The following CSMD2 variants were observed in gnomAD, a reference collection of about 807,000 sequenced individuals.
CSMD2 encodes CUB and sushi domain-containing protein 2.
Under a neutral mutation model 398.5 loss-of-function variants are expected in CSMD2, and 130 were observed. The observed-to-expected ratio is 0.33, with a 90% CI of 0.28 to 0.38. CSMD2 has a LOEUF of 0.38. Among genes scored for constraint, CSMD2 ranks in the 10% least tolerant of loss-of-function variants. The pLI, the probability that CSMD2 is intolerant of heterozygous loss-of-function variation, is 1.00. For missense variants in CSMD2, 3,829 were observed against 4,764.9 expected (o/e 0.80, Z 5.78); for synonymous variants, 1,828 against 1,908.5 (o/e 0.96, Z 1.10).
chr1:34,094,301 A>T (rs1028161874), intron 1 of CSMD2, among the ~76,000 whole-genome samples: 1 of 152,202 alleles, frequency 6.6e-6, no homozygotes. Flanking sequence ...CCACTGCAAA[A>T]TCATGCCAAA....
intron 62 of CSMD2, among the ~76,000 whole-genome samples, chr1:33,536,793 C>G (rs919247980): frequency 2.0e-5 from 3 of 152,244 alleles, no homozygotes; most frequent in African/African-American, 7.2e-5. Context: ...GAACTGCACG[C>G]CATCTGTCCT....
intron 3 of CSMD2, among the ~76,000 whole-genome samples, chr1:33,983,616 G>A (rs1044198775): frequency 2.3e-4 from 26 of 113,254 alleles, no homozygotes; most frequent in South Asian, 8.7e-4. Flanking sequence ...CAAGGCTAAA[G>A]TGAGAACTTG....
intron 11 of CSMD2, among the ~76,000 whole-genome samples, chr1:33,790,528 T>G (rs1416857739): frequency 2.6e-5 from 4 of 152,226 alleles, no homozygotes; most frequent in Non-Finnish European, 5.9e-5. Flanking sequence ...GCATTTGGAC[T>G]GCAACTCCAT....
intron 44 of CSMD2, among the ~76,000 whole-genome samples, chr1:33,591,237 C>T (rs1187662118): frequency 2.0e-5 from 3 of 152,156 alleles, no homozygotes; most frequent in Non-Finnish European, 2.9e-5. Context: ...ATCCGCCCAC[C>T]TTGGCCTCCC....
rs1291767919 is a variant in CSMD2, at chr1:33,864,055, CTG to C, written c.921-17061_921-17060del. 3 of 788,656 alleles carry C rather than the reference CTG, an allele frequency of 3.8e-6. No homozygotes were observed. The African/African-American group carries it at 5.2e-5, about 14-fold the overall frequency. 48.9% of individuals were successfully genotyped at this position (788,656 alleles called of 1,614,324 possible). A position where few individuals can be genotyped will look rare whatever the true frequency, so the allele number is the denominator to read the frequency against. On this transcript the variant is annotated intron_variant, in intron 5 of 70. Transcript: ENST00000373381. The stretch of plus-strand genomic sequence containing the variant: ...AACAATGCCATCAGCACTGAAAAGG[CTG>C]AGCCCTGACTACAGCTCTTGCAGAC...
chr1:33,750,842 T>C lies in CSMD2; in HGVS notation c.1847-7236A>G, dbSNP rs947526086. ...TCCTAGAAGAAAATATAAGGAATAT[T>C]TGTATAATGTTGGAGGCAAGGAAGG... On this transcript the variant is annotated intron_variant, in intron 13 of 70. Coordinates refer to ENST00000373381, the MANE Select transcript of CSMD2 (RefSeq NM_001281956.2). Among the ~76,000 whole-genome samples, 15 of 152,256 alleles carry C rather than the reference T, an allele frequency of 9.9e-5. 1 individual carries two copies. The highest frequency in any genetic ancestry group is 3.6e-4 in the African/African-American group (15 of 41,552).
At chr1:33,889,012 C>T (rs980496994) in intron 5 of CSMD2, among the ~76,000 whole-genome samples, 5 of 152,084 alleles carry the variant, frequency 3.3e-5, no homozygotes, top group African/African-American at 4.8e-5. Context: ...CCTTGTGATC[C>T]GCCCACCTTA....
chr1:33,958,487 AT>A (rs201297249), intron 3 of CSMD2, among the ~76,000 whole-genome samples: 5 of 151,236 alleles, frequency 3.3e-5, no homozygotes, highest in East Asian at 1.9e-4. Context: ...AGGTGAAGGG[AT>A]TTTTTTTTGC....
At chr1:33,928,623 C>G (rs968124685) in intron 4 of CSMD2, among the ~76,000 whole-genome samples, 5 of 152,232 alleles carry the variant, frequency 3.3e-5, no homozygotes, top group Non-Finnish European at 7.3e-5. Context: ...GGATTTGAAT[C>G]CAGGTGACTG....
At chr1:33,878,130 C>T (rs1640970899) in intron 5 of CSMD2, 1 of 152,264 alleles carries the variant, frequency 6.6e-6, no homozygotes, top group Non-Finnish European at 1.5e-5. Context: ...TCAGCACTTT[C>T]TGCCCATGTA....
intron 2 of CSMD2, among the ~76,000 whole-genome samples, chr1:34,050,041 G>A (rs563229486): frequency 6.6e-6 from 1 of 152,290 alleles, no homozygotes; most frequent in East Asian, 1.9e-4. Context: ...CCAGAATCAG[G>A]CCATTCTGGC....
At chr1:33,619,775 T>A (rs1017925234) in intron 37 of CSMD2, among the ~76,000 whole-genome samples, 1 of 152,120 alleles carries the variant, frequency 6.6e-6, no homozygotes, top group Non-Finnish European at 1.5e-5. Flanking sequence ...TTGAGCCTTG[T>A]CCAAAACTCT....
At chr1:33,839,666 G>A (rs888519478) in intron 6 of CSMD2, 1 of 152,262 alleles carries the variant, frequency 6.6e-6, no homozygotes, top group Admixed American at 6.5e-5. Context: ...GAAGGTTGAT[G>A]GGAAAAATGA....
At chr1:34,071,812 G>A (rs1284568015) in intron 2 of CSMD2, among the ~76,000 whole-genome samples, 1 of 152,260 alleles carries the variant, frequency 6.6e-6, no homozygotes, top group East Asian at 1.9e-4. Context: ...TGCTGAAACA[G>A]CCAAGAGCAG....
rs565703017 is a variant in CSMD2, at chr1:34,031,203, C to T, written c.517+1391G>A. Among the ~76,000 whole-genome samples, 5 of 151,872 alleles carry T rather than the reference C, an allele frequency of 3.3e-5. No homozygotes were observed. The East Asian group carries it at 7.8e-4, about 24-fold the overall frequency. On this transcript the variant is annotated intron_variant, in intron 3 of 70. Transcript: ENST00000373381. ...TCAGCCTCCCAAGTAGCTGGGATTA[C>T]AGGTGTGTAACACCATGCCCGGCTA...
At chr1:34,152,437 C>T (rs968824028) in intron 1 of CSMD2, among the ~76,000 whole-genome samples, 5 of 152,204 alleles carry the variant, frequency 3.3e-5, no homozygotes, top group East Asian at 1.9e-4. Flanking sequence ...CTGTGGCTGC[C>T]GGCCAAGCCA....
At chr1:33,779,822 A>G (rs889761757) in intron 12 of CSMD2, among the ~76,000 whole-genome samples, 1 of 152,210 alleles carries the variant, frequency 6.6e-6, no homozygotes, top group African/African-American at 2.4e-5. Flanking sequence ...GGACCGAGCC[A>G]ATGTTTTTTG....
chr1:33,976,744 C>G (rs1355638549), intron 3 of CSMD2, among the ~76,000 whole-genome samples: 1 of 152,180 alleles, frequency 6.6e-6, no homozygotes, highest in Non-Finnish European at 1.5e-5. Flanking sequence ...CTGGGCAACT[C>G]TGAACTGCTC....
At chr1:33,663,230 G>C (rs1644197912) in intron 25 of CSMD2, 138 bp from the exon 26 acceptor site, 3 of 676,060 alleles carry the variant, frequency 4.4e-6, no homozygotes, top group Non-Finnish European at 7.5e-6. Context: ...CAGGAGGGGA[G>C]AGAAGGCAGC....
Sources: gnomAD v4.1 joint callset for allele counts (sites outside exome capture counted in the v4.1 genomes callset) on GRCh38, gnomAD v4.1.1 for gene constraint, MANE v1.5 for transcripts, NCBI Gene and HGNC (gene_info 2026-07-23, HGNC 2026-07-21) for gene names.